Variants in CRACR2A observed in about 807,000 individuals in gnomAD.
CRACR2A encodes the protein EF-hand calcium-binding domain-containing protein 4B.
A neutral mutation model predicts 90.5 loss-of-function variants in CRACR2A; 79 were observed. That is an observed-to-expected ratio of 0.87 (90% CI 0.73 to 1.05). The LOEUF (loss-of-function observed/expected upper bound fraction) is 1.05. Among genes scored for constraint, CRACR2A ranks in the 50% least tolerant of loss-of-function variants. CRACR2A has a pLI of 0.00. For missense variants in CRACR2A, 823 were observed against 897.2 expected, an observed-to-expected ratio of 0.92 and a Z score of 1.06; for synonymous variants, 338 against 356.7, an observed-to-expected ratio of 0.95 and a Z score of 0.59.
At chr12:3,745,576 C>G (rs149232609) in intron 1 of CRACR2A, among the ~76,000 whole-genome samples, 1 of 151,998 alleles carries the variant, frequency 6.6e-6, no homozygotes, top group Non-Finnish European at 1.5e-5. Context: ...GAGTTTGAGA[C>G]CATCCTGGCC....
chr12:3,727,785 T>G (rs1946295508), intron 2 of CRACR2A: 1 of 152,136 alleles, frequency 6.6e-6, no homozygotes, highest in Non-Finnish European at 1.5e-5. Context: ...GCATACTATG[T>G]TCGTTATTTG....
chr12:3,616,875 G>C, intron 19 of CRACR2A, 79 bp downstream of exon 19: 1 of 1,157,568 alleles, frequency 8.6e-7, no homozygotes, highest in South Asian at 1.3e-5. Context: ...GGCCTGGGTG[G>C]AGGGAAACAC....
chr12:3,633,502 G>T lies in CRACR2A; in HGVS notation c.1735+102C>A. 6.8e-7 allele frequency: 1 copy of T among 1,470,182 alleles called. No homozygotes were observed. Among genetic ancestry groups the T allele is most frequent in the Non-Finnish European group, 9.2e-7 (1 of 1,087,252 alleles). 91.1% of individuals were successfully genotyped at this position (1,470,182 alleles called of 1,614,324 possible). The stretch of plus-strand genomic sequence containing the variant: ...GTATCCCTACTGGCCAATCCCCATG[G>T]CCCTTCCCATGGGCTTCTAACGCTC... On this transcript the variant is annotated intron_variant, in intron 15 of 19. Coordinates refer to ENST00000440314, the MANE Select transcript of CRACR2A (RefSeq NM_001144958.2). This position sits in a 1 kb window ranked among gnomAD's most constrained non-coding sequence, Gnocchi z 4.5.
At chr12:3,704,246 C>T (rs368770793) in intron 3 of CRACR2A, among the ~76,000 whole-genome samples, 5 of 152,078 alleles carry the variant, frequency 3.3e-5, no homozygotes, top group African/African-American at 1.2e-4. Flanking sequence ...TCCAAAGCAC[C>T]AAAATGAACA....
intron 1 of CRACR2A, among the ~76,000 whole-genome samples, chr12:3,739,790 C>T (rs145294923): frequency 1.5e-3 from 221 of 152,028 alleles, no homozygotes; most frequent in Middle Eastern, 3.4e-3. Context: ...AAAAATCAGC[C>T]GGACATGGTG....
intron 17 of CRACR2A, among the ~76,000 whole-genome samples, chr12:3,621,363 T>C (rs1415855412): frequency 6.6e-6 from 1 of 151,166 alleles, no homozygotes; most frequent in African/African-American, 2.4e-5. Flanking sequence ...ATGGTGCCTC[T>C]TGCGTCCTGG....
chr12:3,694,447 GT>G (rs1024185080), intron 4 of CRACR2A, among the ~76,000 whole-genome samples: 5 of 152,144 alleles, frequency 3.3e-5, no homozygotes, highest in African/African-American at 1.2e-4. Flanking sequence ...TTCCCTTCCA[GT>G]TCCCATGAGG....
At chr12:3,714,159 T>G (rs781281107) in intron 2 of CRACR2A, among the ~76,000 whole-genome samples, 2 of 152,226 alleles carry the variant, frequency 1.3e-5, no homozygotes, top group Non-Finnish European at 2.9e-5. Flanking sequence ...CTGTTCTATA[T>G]GAGGTAACAC....
At chr12:3,733,911 A>T (rs2137867371) in intron 1 of CRACR2A, among the ~76,000 whole-genome samples, 1 of 129,836 alleles carries the variant, frequency 7.7e-6, no homozygotes, top group Non-Finnish European at 1.7e-5. Context: ...ACACACACAC[A>T]CTTTTCTCTC....
intron 1 of CRACR2A, among the ~76,000 whole-genome samples, chr12:3,741,770 C>G: frequency 6.6e-6 from 1 of 152,228 alleles, no homozygotes; most frequent in Non-Finnish European, 1.5e-5. Flanking sequence ...CACATCACAT[C>G]GGCATTTGCA....
intron 3 of CRACR2A, among the ~76,000 whole-genome samples, chr12:3,700,936 A>G (rs1165990898): frequency 6.6e-6 from 1 of 152,340 alleles, no homozygotes; most frequent in East Asian, 1.9e-4. Flanking sequence ...AATACTGACC[A>G]AGATAATCCA....
At chr12:3,745,808 A>AATAAC (rs1946610158) in intron 1 of CRACR2A, among the ~76,000 whole-genome samples, 1 of 5,630 alleles carries the variant, frequency 1.8e-4, no homozygotes, top group Non-Finnish European at 3.9e-4. Flanking sequence ...AATAAAATAA[A>AATAAC]ATAAAATAAA....
At chr12:3,699,066 A>C (rs1355329778) in intron 3 of CRACR2A, among the ~76,000 whole-genome samples, 1 of 152,188 alleles carries the variant, frequency 6.6e-6, no homozygotes. Flanking sequence ...ACATCCTCCC[A>C]TATGGTAAGT....
At position 3,636,945 on chromosome 12, in the gene CRACR2A, A is replaced by G. The variant is rs563720502; in HGVS notation, c.1602+1179T>C. Among the ~76,000 whole-genome samples the G allele has an allele frequency of 1.2e-3, 176 of 152,370 alleles. 1 individual carries two copies. Among genetic ancestry groups the G allele is most frequent in the African/African-American group, 4.0e-3 (167 of 41,600 alleles). On this transcript the variant is annotated intron_variant, in intron 14 of 19. Coordinates refer to ENST00000440314, the MANE Select transcript of CRACR2A (RefSeq NM_001144958.2). ...GTTCTCAATGGCTGCCGCGGCGTGC[A>G]GGGCGGAGCCTCTTTCACACTGCCG...
At chr12:3,683,616 A>G (rs1042419125) in intron 4 of CRACR2A, among the ~76,000 whole-genome samples, 1 of 152,130 alleles carries the variant, frequency 6.6e-6, no homozygotes, top group African/African-American at 2.4e-5. Flanking sequence ...TCCCCAAACT[A>G]CCTTTCTCTC....
chr12:3,691,768 C>G (rs1002951785), intron 4 of CRACR2A, among the ~76,000 whole-genome samples: 7 of 152,232 alleles, frequency 4.6e-5, no homozygotes, highest in African/African-American at 1.7e-4. Context: ...CTCCCTATCT[C>G]TTTCAGGGAC....
intron 15 of CRACR2A, among the ~76,000 whole-genome samples, chr12:3,630,188 C>A (rs1010742491): frequency 4.6e-5 from 7 of 152,202 alleles, no homozygotes; most frequent in Non-Finnish European, 7.3e-5. Flanking sequence ...GAGCATTCGA[C>A]CCTCACATCG....
chr12:3,631,532 T>C (rs1944375974), intron 15 of CRACR2A, among the ~76,000 whole-genome samples: 1 of 152,166 alleles, frequency 6.6e-6, no homozygotes, highest in Non-Finnish European at 1.5e-5. Flanking sequence ...CTGTCTCCTG[T>C]GTTACCACGC....
chr12:3,674,269 G>A (rs1470280216), intron 6 of CRACR2A, among the ~76,000 whole-genome samples: 2 of 152,162 alleles, frequency 1.3e-5, no homozygotes, highest in Non-Finnish European at 1.5e-5. Context: ...AGAAGGGAAG[G>A]AGCAAGTCTG....
Sources: gnomAD v4.1 joint callset for allele counts (sites outside exome capture counted in the v4.1 genomes callset) on GRCh38, gnomAD v4.1.1 for gene constraint, Gnocchi (gnomAD v3.1) non-coding constraint, MANE v1.5 for transcripts, NCBI Gene and HGNC (gene_info 2026-07-23, HGNC 2026-07-21) for gene names.